The following GSAP variants were observed in gnomAD, a reference collection of about 807,000 sequenced individuals.
GSAP encodes gamma-secretase-activating protein.
Under a neutral mutation model 131.7 loss-of-function variants are expected in GSAP, and 118 were observed. The ratio of observed to expected loss-of-function variants is 0.90; its 90% CI spans 0.77 to 1.04. GSAP has a LOEUF of 1.04. Ranked by LOEUF, GSAP falls within the 50% of genes least tolerant of loss-of-function variation. The probability of loss-of-function intolerance (pLI) is 0.00; values close to 1 mark genes in which losing one functional copy is unlikely to be tolerated. For synonymous variants in GSAP, 381 were observed against 363.4 expected, an observed-to-expected ratio of 1.05 and a Z score of -0.55; for missense variants, 1,019 against 1,013.2, an observed-to-expected ratio of 1.01 and a Z score of -0.08.
chr7:77,400,597 T>A (rs1421408133), intron 3 of GSAP, among the ~76,000 whole-genome samples: 1 of 152,148 alleles, frequency 6.6e-6, no homozygotes, highest in Admixed American at 6.5e-5. Context: ...ACCCCGCTAA[T>A]TCCCCAACAG....
intron 1 of GSAP, among the ~76,000 whole-genome samples, chr7:77,412,310 TTAGC>T (rs890382916): frequency 2.6e-5 from 4 of 152,176 alleles, no homozygotes; most frequent in African/African-American, 9.7e-5. Context: ...ATTGAAACAA[TTAGC>T]TATTAATTTT....
chr7:77,406,332 G>A (rs73362773), intron 1 of GSAP, among the ~76,000 whole-genome samples: 4,401 of 152,238 alleles, frequency 0.029, 214 homozygotes, highest in African/African-American at 0.099. Context: ...GCCTTGTTAC[G>A]TGTTGGTAAT....
chr7:77,398,836 G>C (rs2151142265), intron 3 of GSAP, among the ~76,000 whole-genome samples: 1 of 152,164 alleles, frequency 6.6e-6, no homozygotes, highest in African/African-American at 2.4e-5. Flanking sequence ...TCTTCCAAAA[G>C]GAAGCATGTT....
intron 25 of GSAP, 91 bp from the exon 26 acceptor site, chr7:77,320,910 G>GCA: frequency 1.3e-6 from 1 of 766,076 alleles, no homozygotes; most frequent in Non-Finnish European, 2.3e-6. Flanking sequence ...TACTACACAA[G>GCA]GGTTCATGCT....
chr7:77,362,625 A>G lies in GSAP; in HGVS notation c.907T>C (p.Ser303Pro), dbSNP rs1208936609. Residue 303 changes from serine (S) to proline (P), a missense_variant, in exon 13 of 31, where the codon TCT (serine) becomes CCT (proline). Coordinates refer to ENST00000257626, the MANE Select transcript of GSAP (RefSeq NM_017439.4). Reference sequence around the variant, plus strand: ...ACTGAATATGTGATTTGTCCCCAAGAGGCACACTTCGGGCTGTAACATACA... The same window carrying G: ...ACTGAATATGTGATTTGTCCCCAAGGGGCACACTTCGGGCTGTAACATACA... ...LCVCYSPKCA[S>P]WGQITYSVFY... 10 of 1,586,580 alleles carry G rather than the reference A, an allele frequency of 6.3e-6. No homozygotes were observed. Among genetic ancestry groups the G allele is most frequent in the Non-Finnish European group, 7.8e-6 (9 of 1,155,572 alleles).
At chr7:77,383,905 A>T (rs1431542348) in intron 6 of GSAP, among the ~76,000 whole-genome samples, 1 of 152,248 alleles carries the variant, frequency 6.6e-6, no homozygotes, top group Non-Finnish European at 1.5e-5. Flanking sequence ...ATATCAGATT[A>T]AAAATAGTAC....
chr7:77,320,811 C>A lies in GSAP; in HGVS notation c.2003G>T (p.Arg668Leu), dbSNP rs553054006. ...AACTGCAAATTCAGCAGCACTGCCA[C>A]GACTATTGCTGGGTAAAAAAAACAA... ...LHSWVLHFNSRGSAAEFAVFH... is the reference protein window; with the variant it reads ...LHSWVLHFNSLGSAAEFAVFH... The change falls in exon 26 of 31, where the codon CGT becomes CTT. Residue 668 changes from arginine to leucine, a missense_variant. Transcript: ENST00000257626. The A allele has an allele frequency of 6.2e-7, 1 of 1,601,860 alleles. No homozygotes were observed. The highest frequency in any genetic ancestry group is 1.1e-5 in the South Asian group (1 of 90,864).
At position 77,374,167 on chromosome 7, in the gene GSAP, A is replaced by G; in HGVS notation, c.786-12T>C. On this transcript the variant is annotated splice_polypyrimidine_tract_variant and intron_variant, in intron 11 of 30. Coordinates refer to ENST00000257626, the MANE Select transcript of GSAP (RefSeq NM_017439.4). ...CAAAGTTGACAAGTCTAAGAACATAAAGAATGAGAAATTATTGAATGCATT... is the reference window on the plus strand; with the variant it reads ...CAAAGTTGACAAGTCTAAGAACATAGAGAATGAGAAATTATTGAATGCATT... 1 of 1,379,314 alleles carries G rather than the reference A, an allele frequency of 7.2e-7. No homozygotes were observed. Among genetic ancestry groups the G allele is most frequent in the Non-Finnish European group, 1.0e-6 (1 of 981,196 alleles). 85.4% of individuals were successfully genotyped at this position (1,379,314 alleles called of 1,614,324 possible). A position where few individuals can be genotyped will look rare whatever the true frequency, so the allele number is the denominator to read the frequency against.
At chr7:77,365,844 C>T (rs1053396610) in intron 12 of GSAP, among the ~76,000 whole-genome samples, 1 of 150,986 alleles carries the variant, frequency 6.6e-6, no homozygotes, top group African/African-American at 2.4e-5. Context: ...CTTACACTCT[C>T]ATCAACAGTG....
intron 1 of GSAP, among the ~76,000 whole-genome samples, chr7:77,415,091 T>C (rs1804112407): frequency 6.6e-6 from 1 of 152,180 alleles, no homozygotes; most frequent in Non-Finnish European, 1.5e-5. Flanking sequence ...TTACTAAGCA[T>C]GACACTAATG....
In GSAP at chr7:77,377,400, C is replaced by CACAAAAAAAAAAA. The variant is rs1797096505; in HGVS notation, c.577-11_577-10insTTTTTTTTTTTGT. The CACAAAAAAAAAAA allele has an allele frequency of 9.9e-7, 1 of 1,009,450 alleles. No individual in the cohort carries two copies. Among genetic ancestry groups the CACAAAAAAAAAAA allele is most frequent in the African/African-American group, 2.3e-5 (1 of 44,094 alleles). The allele number at this position is 1,009,450 out of a possible 1,614,324, so 62.5% of individuals were successfully genotyped here. On this transcript the variant is annotated splice_polypyrimidine_tract_variant and intron_variant, in intron 8 of 30. Transcript: ENST00000257626. ...CAGAATTTTTAATCACCTAAAAATG[C>CACAAAAAAAAAAA]AAAAAAAAAAAAAAAAAAAAAAGTA...
intron 18 of GSAP, chr7:77,351,067 G>A (rs779413852): frequency 2.7e-5 from 25 of 922,426 alleles, no homozygotes; most frequent in Middle Eastern, 5.5e-4. Flanking sequence ...TTAAATGACC[G>A]AGATTTTACT....
rs767300485 is a variant in GSAP at position 77,416,335 on chromosome 7, C to T, written c.-14G>A. Reference sequence around the variant, plus strand: ...GCGAAGAGCCATCGCCCGGACACGACCACCGGGCGGCTCTGGGGCCCCGCA... The same window carrying T: ...GCGAAGAGCCATCGCCCGGACACGATCACCGGGCGGCTCTGGGGCCCCGCA... On this transcript the variant is annotated 5_prime_UTR_variant, in exon 1 of 31. Transcript: ENST00000257626. 14 of 1,458,044 alleles carry T rather than the reference C, an allele frequency of 9.6e-6. No homozygotes were observed. The South Asian group carries it at 1.7e-4, about 18-fold the overall frequency. The allele number at this position is 1,458,044 out of a possible 1,614,324, so 90.3% of individuals were successfully genotyped here. A position where few individuals can be genotyped will look rare whatever the true frequency, so the allele number is the denominator to read the frequency against.
chr7:77,413,795 C>T (rs896352541), intron 1 of GSAP, among the ~76,000 whole-genome samples: 1 of 151,344 alleles, frequency 6.6e-6, no homozygotes, highest in African/African-American at 2.4e-5. Flanking sequence ...TAAGAGACTT[C>T]AAGAGTCTTG....
intron 1 of GSAP, among the ~76,000 whole-genome samples, chr7:77,409,738 T>C (rs1802941601): frequency 6.6e-6 from 1 of 152,248 alleles, no homozygotes; most frequent in Non-Finnish European, 1.5e-5. Flanking sequence ...GTTAAAAGGT[T>C]TCGGCTAAGA....
intron 24 of GSAP, among the ~76,000 whole-genome samples, chr7:77,322,195 TTAAG>T (rs1328639984): frequency 6.6e-6 from 1 of 152,218 alleles, no homozygotes; most frequent in Admixed American, 6.5e-5. Flanking sequence ...TTGGCTGAAA[TTAAG>T]TAAGTTAACA....
At position 77,330,391 on chromosome 7, in the gene GSAP, G is replaced by C. The variant is rs199865913; in HGVS notation, c.1546-24C>G. ...ACCTGTAGGAGACAAAAACATCAGT[G>C]GCCTTCAGAGGCAGGCCCAGTGGCC... On this transcript the variant is annotated intron_variant, in intron 19 of 30. Transcript: ENST00000257626. 668 of 1,609,266 alleles carry C rather than the reference G, an allele frequency of 4.2e-4. 1 individual carries two copies. Among genetic ancestry groups the C allele is most frequent in the Non-Finnish European group, 5.3e-4 (620 of 1,177,386 alleles).
At chr7:77,345,732 C>T (rs1293147514) in intron 19 of GSAP, among the ~76,000 whole-genome samples, 2 of 152,112 alleles carry the variant, frequency 1.3e-5, no homozygotes, top group Non-Finnish European at 2.9e-5. Context: ...TAATTTTTGA[C>T]TACCCACCCA....
chr7:77,336,132 C>T (rs115834490), intron 19 of GSAP, among the ~76,000 whole-genome samples: 1,853 of 152,316 alleles, frequency 0.012, 36 homozygotes, highest in African/African-American at 0.043. Flanking sequence ...AAAATTTCCA[C>T]TTACTTGCCC....
Sources: gnomAD v4.1 joint callset for allele counts (sites outside exome capture counted in the v4.1 genomes callset) on GRCh38, gnomAD v4.1.1 for gene constraint, MANE v1.5 for transcripts, NCBI Gene and HGNC (gene_info 2026-07-23, HGNC 2026-07-21) for gene names.